Variants in TRIM42 observed in about 807,000 individuals in gnomAD.
TRIM42 encodes the protein tripartite motif-containing protein 42.
In TRIM42, 59 loss-of-function variants were observed where a neutral mutation model predicts 64.9. The ratio of observed to expected loss-of-function variants is 0.91; its 90% confidence interval spans 0.74 to 1.13. TRIM42 has a LOEUF of 1.13. Ranked by LOEUF, TRIM42 falls within the 50% of genes most tolerant of loss-of-function variation. TRIM42 has a pLI of 0.00. For missense variants in TRIM42, 878 were observed against 929.5 expected, an observed-to-expected ratio of 0.94 and a Z score of 0.72; for synonymous variants, 354 against 346.3, an observed-to-expected ratio of 1.02 and a Z score of -0.25.
rs375439126 is a variant in TRIM42 at position 140,692,562 on chromosome 3, C to CACACACACACACACACAGAG, written c.2085+1371_2085+1372insCACACACACACACACAGAGA. ...ACACACACACACACACACACACACA[C>CACACACACACACACACAGAG]AGAGAGAGATAGAGAGAGAGAGAGA... is the stretch of plus-strand genomic sequence containing the variant. On this transcript the variant is annotated intron_variant, in intron 4 of 4. Coordinates refer to ENST00000286349, the MANE Select transcript of TRIM42 (RefSeq NM_152616.5). Among the ~76,000 whole-genome samples, 291 of 114,152 alleles carry CACACACACACACACACAGAG rather than the reference C, an allele frequency of 2.5e-3. 4 individuals carry two copies. Among genetic ancestry groups the CACACACACACACACACAGAG allele is most frequent in the East Asian group, 9.0e-3 (38 of 4,232 alleles). 74.9% of individuals were successfully genotyped at this position (114,152 alleles called of 152,430 possible).
At position 140,687,949 on chromosome 3, in the gene TRIM42, A is replaced by G; in HGVS notation, c.1267A>G (p.Met423Val). ...TGTTACAACCATGAAAGTGAACGAG[A>G]TGGATGGTCTGATCGCCTACTCCAA... ...VYVTTMKVNE[M>V]DGLIAYSKEA... The change falls in exon 3 of 5, where the codon ATG becomes GTG. Residue 423 changes from methionine to valine, a missense_variant. Met to Val is a conservative substitution (Grantham distance 21). Coordinates refer to ENST00000286349, the MANE Select transcript of TRIM42 (RefSeq NM_152616.5). 6.2e-7 allele frequency: 1 copy of G among 1,614,218 alleles called. No homozygotes were observed. Among genetic ancestry groups the G allele is most frequent in the Non-Finnish European group, 8.5e-7 (1 of 1,180,038 alleles).
At chr3:140,680,790 A>T (rs74884409) in intron 1 of TRIM42, 5 of 727,986 alleles carry the variant, frequency 6.9e-6, no homozygotes, top group South Asian at 1.2e-4. Context: ...TAATATACAC[A>T]GGGAGCATTC....
chr3:140,700,816 A>C, intron 4 of TRIM42, 72 bp from the exon 5 acceptor site: 2 of 1,375,420 alleles, frequency 1.5e-6, no homozygotes, highest in South Asian at 1.2e-5. Flanking sequence ...GTAGTGTCTG[A>C]CATGCAGAAG....
At chr3:140,690,372 T>C (rs1381994664) in intron 3 of TRIM42, among the ~76,000 whole-genome samples, 1 of 151,750 alleles carries the variant, frequency 6.6e-6, no homozygotes, top group East Asian at 1.9e-4. Context: ...TATTAGAGTA[T>C]AAAATTAGAA....
chr3:140,691,611 C>T (rs1988718347), intron 4 of TRIM42, among the ~76,000 whole-genome samples: 1 of 152,054 alleles, frequency 6.6e-6, no homozygotes, highest in African/African-American at 2.4e-5. Flanking sequence ...ACAGGATGCC[C>T]AGTTAAATTT....
chr3:140,694,405 T>C (rs1280811213), intron 4 of TRIM42, among the ~76,000 whole-genome samples: 4 of 152,150 alleles, frequency 2.6e-5, no homozygotes, highest in African/African-American at 9.7e-5. Flanking sequence ...GAAATGTGTT[T>C]TTAGGTAAGT....
chr3:140,695,399 G>A (rs765116573), intron 4 of TRIM42, among the ~76,000 whole-genome samples: 6 of 152,274 alleles, frequency 3.9e-5, no homozygotes, highest in Admixed American at 6.5e-5. Context: ...GATGTCCTAG[G>A]TTACATCAGA....
chr3:140,683,316 C>T (rs1988464601), intron 2 of TRIM42, among the ~76,000 whole-genome samples, 157 bp downstream of exon 2: 1 of 152,170 alleles, frequency 6.6e-6, no homozygotes, highest in African/African-American at 2.4e-5. Flanking sequence ...AAGTCACTAT[C>T]CTGGTGTCCG....
At position 140,682,688 on chromosome 3, in the gene TRIM42, G is replaced by C. The variant is rs1988435219; in HGVS notation, c.568G>C (p.Val190Leu). ...GAACTTCTTCATCCTCATCTGCCCAGTGTGCGACCGCTCGCACTGCATGCC... is the reference window on the plus strand; with the variant it reads ...GAACTTCTTCATCCTCATCTGCCCACTGTGCGACCGCTCGCACTGCATGCC... The part of the protein sequence containing the change: ...TENFFILICP[V>L]CDRSHCMPYS... Residue 190 changes from valine to leucine, a missense_variant, in exon 2 of 5, where the codon GTG (valine) becomes CTG (leucine). Coordinates refer to ENST00000286349, the MANE Select transcript of TRIM42 (RefSeq NM_152616.5). The C allele has an allele frequency of 6.2e-7, 1 of 1,612,886 alleles. No homozygotes were observed.
At chr3:140,678,647 AG>A in intron 1 of TRIM42, 77 bp downstream of exon 1, 1 of 1,232,494 alleles carries the variant, frequency 8.1e-7, no homozygotes, top group African/African-American at 1.5e-5. Flanking sequence ...TGAAGTCTAC[AG>A]GGCAGGCCAG....
At position 140,690,971 on chromosome 3, in the gene TRIM42, T is replaced by C; in HGVS notation, c.1864T>C (p.Tyr622His). 1 of 1,612,464 alleles carries C rather than the reference T, an allele frequency of 6.2e-7. No homozygotes were observed. Among genetic ancestry groups the C allele is most frequent in the Non-Finnish European group, 8.5e-7 (1 of 1,178,498 alleles). The change falls in exon 4 of 5, where the codon TAC becomes CAC. Residue 622 changes from tyrosine to histidine, a missense_variant. Transcript: ENST00000286349. ...AGTATGTTCATTTCTTCCATAGGTT[T>C]ACTGGACATGTCCAGCAGAAGACGT... ...TLVYPRAAKV[Y>H]WTCPAEDVDS...
intron 1 of TRIM42, among the ~76,000 whole-genome samples, chr3:140,681,674 G>A (rs977064888): frequency 1.3e-5 from 2 of 151,988 alleles, no homozygotes; most frequent in East Asian, 3.9e-4. Context: ...GAACACACCT[G>A]TAGTTGGACA....
intron 4 of TRIM42, among the ~76,000 whole-genome samples, chr3:140,694,261 G>T (rs953513490): frequency 6.6e-6 from 1 of 152,150 alleles, no homozygotes; most frequent in Non-Finnish European, 1.5e-5. Context: ...TTGTGTACCT[G>T]GATTCAAGTC....
rs188788404 is a variant in TRIM42, at chr3:140,691,809, A to G, written c.2085+617A>G. 1.8e-3 allele frequency among the ~76,000 whole-genome samples: 268 copies of G among 152,300 alleles called. 1 individual carries two copies. The highest frequency in any genetic ancestry group is 6.1e-3 in the African/African-American group (252 of 41,566). On this transcript the variant is annotated intron_variant, in intron 4 of 4. Coordinates refer to ENST00000286349, the MANE Select transcript of TRIM42 (RefSeq NM_152616.5). The stretch of plus-strand genomic sequence containing the variant: ...TGATCCAAGACTTACTCTTCTTTAT[A>G]TCTCCAGGGAATACACATTCATGAG...
At position 140,682,625 on chromosome 3, in the gene TRIM42, T is replaced by G. The variant is rs757740614; in HGVS notation, c.505T>G (p.Cys169Gly). ...LPCNHSLCEK[C>G]LRQLQKHAEV... ...CTGCAACCACAGCCTGTGCGAGAAG[T>G]GCCTGCGGCAGCTGCAGAAGCACGC... The change falls in exon 2 of 5, where the codon TGC becomes GGC. Residue 169 changes from cysteine (C) to glycine (G), a missense_variant. By Grantham distance (159) the Cys-to-Gly change is radical. Coordinates refer to ENST00000286349, the MANE Select transcript of TRIM42 (RefSeq NM_152616.5). 6.2e-7 allele frequency: 1 copy of G among 1,614,192 alleles called. No individual in the cohort carries two copies. The highest frequency in any genetic ancestry group is 1.3e-5 in the African/African-American group (1 of 75,074).
chr3:140,688,296 C>T lies in TRIM42; in HGVS notation c.1614C>T (p.Ser538=). 1 of 1,614,204 alleles carries T rather than the reference C, an allele frequency of 6.2e-7. No homozygotes were observed. Among genetic ancestry groups the T allele is most frequent in the Non-Finnish European group, 8.5e-7 (1 of 1,180,034 alleles). The change falls in exon 3 of 5, where the codon TCC becomes TCT. Residue 538 remains serine, a synonymous_variant. Coordinates refer to ENST00000286349, the MANE Select transcript of TRIM42 (RefSeq NM_152616.5). The part of the protein sequence containing the change: ...GNQHIYQRSS[S]MLSFSNTDKK... ...AGCACATATACCAGCGAAGCTCCTC[C>T]ATGTTGTCCTTCAGCAACACTGACA...
chr3:140,689,716 A>G (rs1387394232), intron 3 of TRIM42, among the ~76,000 whole-genome samples: 1 of 151,770 alleles, frequency 6.6e-6, no homozygotes, highest in Non-Finnish European at 1.5e-5. Context: ...TGAGCTATCG[A>G]CATGATGAAG....
chr3:140,692,562 C>CACAGAG (rs375439126), intron 4 of TRIM42, among the ~76,000 whole-genome samples: 6 of 114,112 alleles, frequency 5.3e-5, no homozygotes, highest in South Asian at 3.2e-4. Flanking sequence ...CACACACACA[C>CACAGAG]AGAGAGAGAT....
Position 140,678,247 on chromosome 3 carries a change from C to T in TRIM42, c.18C>T (p.Cys6=), listed in dbSNP as rs574516230. 268 of 1,613,942 alleles carry T rather than the reference C, an allele frequency of 1.7e-4. 4 individuals carry two copies. In the South Asian group the frequency reaches 2.7e-3, roughly 16 times the overall value. Residue 6 remains cysteine (C), a synonymous_variant, in exon 1 of 5, where the codon TGC becomes TGT. Transcript: ENST00000286349. ...TAGGCACCATGGAAACTGCTATGTGCGTTTGCTGTCCATGTTGTACATGGC... is the reference window on the plus strand; with the variant it reads ...TAGGCACCATGGAAACTGCTATGTGTGTTTGCTGTCCATGTTGTACATGGC... METAM[C]VCCPCCTWQR... is the part of the protein sequence containing the mutation.
Sources: gnomAD v4.1 joint callset for allele counts (sites outside exome capture counted in the v4.1 genomes callset) on GRCh38, gnomAD v4.1.1 for gene constraint, MANE v1.5 for transcripts, NCBI Gene and HGNC (gene_info 2026-07-23, HGNC 2026-07-21) for gene names.